NUDT8: variants seen among roughly 807,000 people sequenced by gnomAD.
The protein encoded by NUDT8 is nudix hydrolase 8.
Under a neutral mutation model 12.5 loss-of-function variants are expected in NUDT8, and 14 were observed. The ratio of observed to expected loss-of-function variants is 1.12; its 90% confidence interval spans 0.74 to 1.75. The LOEUF (loss-of-function observed/expected upper bound fraction) is 1.75. NUDT8 is among the 40% of genes most tolerant of loss of function. The pLI is 0.00. For synonymous variants in NUDT8, 163 were observed against 156.2 expected, an observed-to-expected ratio of 1.04 and a Z score of -0.33; for missense variants, 337 against 318.5, an observed-to-expected ratio of 1.06 and a Z score of -0.44.
intron 2 of NUDT8, 101 bp downstream of exon 2, chr11:67,628,818 C>T (rs1027626595): frequency 9.7e-6 from 14 of 1,445,280 alleles, no homozygotes; most frequent in African/African-American, 8.5e-5. Context: ...ACTTTGTGCC[C>T]GTGGGGGTCC....
intron 2 of NUDT8, 25 bp downstream of exon 2, chr11:67,628,894 G>A (rs1278878721): frequency 6.3e-7 from 1 of 1,591,578 alleles, no homozygotes; most frequent in Non-Finnish European, 8.6e-7. Context: ...GAATGGGGTG[G>A]GGTGGCCTCA....
chr11:67,628,301 C>T (rs747204069), intron 3 of NUDT8, 22 bp downstream of exon 3: 19 of 1,613,842 alleles, frequency 1.2e-5, no homozygotes, highest in Non-Finnish European at 1.5e-5. Flanking sequence ...ACAGCCCAAC[C>T]CCCTCATATC....
chr11:67,628,114 G>A lies in NUDT8; in HGVS notation c.543C>T (p.Leu181=). Reference sequence around the variant, plus strand: ...GGGCAAACTCAGTGATGACAGCTGTGAGGCCCCAGACCCGGTGTGGTCCAT... The same window carrying A: ...GGGCAAACTCAGTGATGACAGCTGTAAGGCCCCAGACCCGGTGTGGTCCAT... ...FLHGPHRVWG[L]TAVITEFALQ... is the part of the protein sequence containing the mutation. Residue 181 remains leucine, a synonymous_variant, in exon 4 of 4, where the codon CTC becomes CTT. Transcript: ENST00000376693. 1.3e-6 allele frequency: 2 copies of A among 1,598,864 alleles called. No homozygotes were observed. Among genetic ancestry groups the A allele is most frequent in the Non-Finnish European group, 1.7e-6 (2 of 1,179,814 alleles).
chr11:67,628,048 G>A lies in NUDT8; in HGVS notation c.609C>T (p.Ala203=). 1.9e-6 allele frequency: 3 copies of A among 1,598,356 alleles called. No individual in the cohort carries two copies. The highest frequency in any genetic ancestry group is 2.2e-5 in the East Asian group (1 of 44,876). Residue 203 remains alanine (A), a synonymous_variant, in exon 4 of 4, where the codon GCC becomes GCT. Transcript: ENST00000376693. ...CCTCAGCCCCTGAGCAGGTCAGGCC[G>A]GCCAGGCGGGGCTGGTAGGTACCAG... is the stretch of plus-strand genomic sequence containing the variant. ...LAPGTYQPRL[A]GLTCSGAEGL... is the part of the protein sequence containing the mutation.
chr11:67,628,824 G>A, intron 2 of NUDT8, 95 bp downstream of exon 2: 1 of 1,466,020 alleles, frequency 6.8e-7, no homozygotes, highest in South Asian at 1.3e-5. Flanking sequence ...TGCCCGTGGG[G>A]GTCCATGACC....
In NUDT8 at chr11:67,629,896, G is replaced by A; in HGVS notation, c.16C>T (p.Leu6=). 8.1e-7 allele frequency: 1 copy of A among 1,237,436 alleles called. No homozygotes were observed. The highest frequency in any genetic ancestry group is 1.0e-6 in the Non-Finnish European group (1 of 994,652). 76.7% of individuals were successfully genotyped at this position (1,237,436 alleles called of 1,614,324 possible). ...CAGCGCAGCTCGCCCTCGGCCGACA[G>A]GCAGTCGGGCAGCATGTCAAGTCCT... is the stretch of plus-strand genomic sequence containing the variant. The part of the protein sequence containing the change: MLPDC[L]SAEGELRCRR... The change falls in exon 1 of 4, where the codon CTG becomes TTG. Residue 6 remains leucine, a synonymous_variant. Coordinates refer to ENST00000376693, the MANE Select transcript of NUDT8 (RefSeq NM_001243750.2).
In NUDT8 at chr11:67,628,299, A is replaced by G. The variant is rs1157875863; in HGVS notation, c.405+24T>C. ...GTAGACAGAGGACTGGAACAGCCCAACCCCCTCATATCCCCCAGCTCACCT... is the reference window on the plus strand; with the variant it reads ...GTAGACAGAGGACTGGAACAGCCCAGCCCCCTCATATCCCCCAGCTCACCT... On this transcript the variant is annotated intron_variant, in intron 3 of 3. Coordinates refer to ENST00000376693, the MANE Select transcript of NUDT8 (RefSeq NM_001243750.2). 7 of 1,613,612 alleles carry G rather than the reference A, an allele frequency of 4.3e-6. No homozygotes were observed. In the African/African-American group the frequency reaches 9.3e-5, roughly 22 times the overall value.
intron 1 of NUDT8, 83 bp downstream of exon 1, chr11:67,629,635 G>A: frequency 1.3e-6 from 1 of 745,810 alleles, no homozygotes; most frequent in Non-Finnish European, 2.0e-6. Context: ...GCTCGAAGGG[G>A]CTAAGTGCCC....
Position 67,628,997 on chromosome 11 carries a change from C to T in NUDT8, c.249G>A (p.Leu83=). Residue 83 remains leucine, a synonymous_variant, in exon 2 of 4, where the codon CTG becomes CTA. Coordinates refer to ENST00000376693, the MANE Select transcript of NUDT8 (RefSeq NM_001243750.2). ...PADQDVVHTA[L]RETREELGLA... ...GGCCCAGCTCCTCCCGGGTTTCCCG[C>T]AGGGCCGTGTGCACCACATCTTGGT... 6.2e-7 allele frequency: 1 copy of T among 1,613,058 alleles called. No homozygotes were observed. The highest frequency in any genetic ancestry group is 8.5e-7 in the Non-Finnish European group (1 of 1,179,880).
In NUDT8 at chr11:67,629,024, A is replaced by G; in HGVS notation, c.222T>C (p.Ala74=). The G allele has an allele frequency of 6.2e-7, 1 of 1,612,600 alleles. No homozygotes were observed. The highest frequency in any genetic ancestry group is 1.1e-5 in the South Asian group (1 of 91,004). ...GGGCCGTGTGCACCACATCTTGGTC[A>G]GCCGGGTCGCACTTGCCGCCTGGGA... The part of the protein sequence containing the change: ...VSFPGGKCDP[A]DQDVVHTALR... Residue 74 remains alanine (A), a synonymous_variant, in exon 2 of 4, where the codon GCT becomes GCC. Transcript: ENST00000376693.
At position 67,629,120 on chromosome 11, in the gene NUDT8, CG is replaced by C. The variant is rs112158573; in HGVS notation, c.195-70del. The C allele has an allele frequency of 1.3e-4, 196 of 1,451,938 alleles. 1 individual carries two copies. Among genetic ancestry groups the C allele is most frequent in the East Asian group, 6.8e-4 (29 of 42,342 alleles). 89.9% of individuals were successfully genotyped at this position (1,451,938 alleles called of 1,614,324 possible). ...CGGAGAGGTCGGGGTATCGGCAGTG[CG>C]GGGGGGGCCACTGGCCCACCGAAGT... On this transcript the variant is annotated intron_variant, in intron 1 of 3. Transcript: ENST00000376693.
rs367738376 is a variant in NUDT8, at chr11:67,629,741, G to A, written c.171C>T (p.Thr57=). The part of the protein sequence containing the change: ...LLYTLRSSRL[T]GRHKGDVSFP... ...ACCTGACGTCGCCCTTGTGCCTCCC[G>A]GTCAGGCGGCTGGACCGCAGCGTGT... is the stretch of plus-strand genomic sequence containing the variant. The change falls in exon 1 of 4, where the codon ACC becomes ACT. Residue 57 remains threonine, a synonymous_variant. Transcript: ENST00000376693. 6.5e-7 allele frequency: 1 copy of A among 1,541,856 alleles called. No homozygotes were observed. The highest frequency in any genetic ancestry group is 2.7e-5 in the East Asian group (1 of 37,314).
chr11:67,629,478 A>G (rs1226342906), intron 1 of NUDT8: 5 of 405,314 alleles, frequency 1.2e-5, no homozygotes, highest in Middle Eastern at 6.3e-4. Flanking sequence ...GCGTGCGCGC[A>G]AGGACGCGTA....
intron 2 of NUDT8, among the ~76,000 whole-genome samples, 180 bp downstream of exon 2, chr11:67,628,739 C>G (rs903360699): frequency 6.6e-6 from 1 of 152,228 alleles, no homozygotes; most frequent in Non-Finnish European, 1.5e-5. Flanking sequence ...CCAGAGCCTC[C>G]CCAATCCCTT....
chr11:67,629,882 G>A lies in NUDT8; in HGVS notation c.30C>T (p.Gly10=), dbSNP rs1855184565. Residue 10 remains glycine (G), a synonymous_variant, in exon 1 of 4, where the codon GGC becomes GGT. Transcript: ENST00000376693. MLPDCLSAE[G]ELRCRRLLAG... ...CCAGCAGCCGGCGGCAGCGCAGCTCGCCCTCGGCCGACAGGCAGTCGGGCA... is the reference window on the plus strand; with the variant it reads ...CCAGCAGCCGGCGGCAGCGCAGCTCACCCTCGGCCGACAGGCAGTCGGGCA... The A allele has an allele frequency of 1.6e-6, 2 of 1,243,720 alleles. No individual in the cohort carries two copies. Among genetic ancestry groups the A allele is most frequent in the Admixed American group, 4.3e-5 (1 of 23,222 alleles). The allele number at this position is 1,243,720 out of a possible 1,614,324, so 77.0% of individuals were successfully genotyped here.
chr11:67,628,125 C>G lies in NUDT8; in HGVS notation c.532G>C (p.Val178Leu). 1 of 1,599,222 alleles carries G rather than the reference C, an allele frequency of 6.3e-7. No individual in the cohort carries two copies. The highest frequency in any genetic ancestry group is 8.5e-7 in the Non-Finnish European group (1 of 1,179,810). The part of the protein sequence containing the change: ...LPVFLHGPHR[V>L]WGLTAVITEF... ...GTGATGACAGCTGTGAGGCCCCAGA[C>G]CCGGTGTGGTCCATGCAGGAAGACG... Residue 178 changes from valine (V) to leucine (L), a missense_variant, in exon 4 of 4, where the codon GTC (valine) becomes CTC (leucine). Coordinates refer to ENST00000376693, the MANE Select transcript of NUDT8 (RefSeq NM_001243750.2).
chr11:67,629,674 C>T, intron 1 of NUDT8, 44 bp downstream of exon 1: 1 of 1,259,286 alleles, frequency 7.9e-7, no homozygotes, highest in Non-Finnish European at 1.1e-6. Flanking sequence ...GCCCCGGGCT[C>T]CTGTAGCCTC....
At chr11:67,628,820 T>G (rs982748129) in intron 2 of NUDT8, 99 bp downstream of exon 2, 1 of 1,444,984 alleles carries the variant, frequency 6.9e-7, no homozygotes, top group Non-Finnish European at 9.4e-7. Context: ...TTTGTGCCCG[T>G]GGGGGTCCAT....
At position 67,629,005 on chromosome 11, in the gene NUDT8, T is replaced by C. The variant is rs1565231193; in HGVS notation, c.241A>G (p.Thr81Ala). 2 of 1,612,982 alleles carry C rather than the reference T, an allele frequency of 1.2e-6. No homozygotes were observed. Among genetic ancestry groups the C allele is most frequent in the East Asian group, 4.5e-5 (2 of 44,870 alleles). Reference protein sequence around the residue: ...CDPADQDVVHTALRETREELG... With the variant: ...CDPADQDVVHAALRETREELG... The stretch of plus-strand genomic sequence containing the variant: ...TCCTCCCGGGTTTCCCGCAGGGCCG[T>C]GTGCACCACATCTTGGTCAGCCGGG... Residue 81 changes from threonine (T) to alanine (A), a missense_variant, in exon 2 of 4, where the codon ACG (threonine) becomes GCG (alanine). Transcript: ENST00000376693.
Sources: gnomAD v4.1 joint callset for allele counts (sites outside exome capture counted in the v4.1 genomes callset) on GRCh38, gnomAD v4.1.1 for gene constraint, MANE v1.5 for transcripts, NCBI Gene and HGNC (gene_info 2026-07-23, HGNC 2026-07-21) for gene names.